ANKRD12: variants seen among roughly 807,000 people sequenced by gnomAD.
The protein encoded by ANKRD12 is ankyrin repeat domain 12.
ANKRD12 carries 85 observed loss-of-function variants against 183.4 expected under a neutral mutation model. That is an observed-to-expected ratio of 0.46 (90% CI 0.39 to 0.56). The LOEUF is 0.56. ANKRD12 is among the 20% of genes least tolerant of loss of function. ANKRD12 has a pLI of 0.00. For synonymous variants in ANKRD12, 914 were observed against 800.2 expected (o/e 1.14, Z -2.40); for missense variants, 2,405 against 2,357.1 (o/e 1.02, Z -0.42).
rs1005127228 is a variant in ANKRD12 at position 9,284,479 on chromosome 18, G to A, written c.*3353G>A. 3 of 152,064 alleles carry A rather than the reference G, an allele frequency of 2.0e-5. No homozygotes were observed. Among genetic ancestry groups the A allele is most frequent in the African/African-American group, 7.2e-5 (3 of 41,404 alleles). 9.4% of individuals were successfully genotyped at this position (152,064 alleles called of 1,614,324 possible). The stretch of plus-strand genomic sequence containing the variant: ...TGACTCTGTAAAACGCAATGAAATA[G>A]TCCTCTTTTTAAACAGTTTAAAGGA... On this transcript the variant is annotated 3_prime_UTR_variant, in exon 13 of 13. Transcript: ENST00000262126.
Position 9,257,033 on chromosome 18 carries a change from CCTG to C in ANKRD12, c.3769_3771del (p.Ala1257del), listed in dbSNP as rs1226033992. On this transcript the variant is annotated inframe_deletion, in exon 9 of 13. Transcript: ENST00000262126. Reference sequence around the variant, plus strand: ...ACCTTTTTTGTCAATTGCCAAATCTCCTGCTCTTCATGAAAGGGAATTGGACAG... The same window carrying C: ...ACCTTTTTTGTCAATTGCCAAATCTCCTCTTCATGAAAGGGAATTGGACAG... 6.2e-7 allele frequency: 1 copy of C among 1,613,988 alleles called. No homozygotes were observed. The highest frequency in any genetic ancestry group is 8.5e-7 in the Non-Finnish European group (1 of 1,179,992).
rs1449817684 is a variant in ANKRD12 at position 9,284,562 on chromosome 18, GATA to G, written c.*3442_*3444del. The G allele has an allele frequency of 2.6e-5, 4 of 152,196 alleles. No individual in the cohort carries two copies. Among genetic ancestry groups the G allele is most frequent in the East Asian group, 1.9e-4 (1 of 5,188 alleles). 9.4% of individuals were successfully genotyped at this position (152,196 alleles called of 1,614,324 possible). On this transcript the variant is annotated 3_prime_UTR_variant, in exon 13 of 13. Transcript: ENST00000262126. ...AATATTTAGGGCAAAATTTTTGTTAGATAATAATGGAAAAGCTTGTGTGAGTTT... is the reference window on the plus strand; with the variant it reads ...AATATTTAGGGCAAAATTTTTGTTAGATAATGGAAAAGCTTGTGTGAGTTT...
At chr18:9,222,077 T>C (rs1333609431) in intron 8 of ANKRD12, 78 bp downstream of exon 8, 3 of 1,523,008 alleles carry the variant, frequency 2.0e-6, no homozygotes, top group Non-Finnish European at 2.7e-6. Context: ...ATTTGTAATA[T>C]ACAAAATGTT....
chr18:9,204,457 G>A lies in ANKRD12; in HGVS notation c.236-19G>A. ...TCCGTGTGCTTTTTTCTCTTCTCCTGTCTCTTCTCATTCTGTAGATTCAGA... is the reference window on the plus strand; with the variant it reads ...TCCGTGTGCTTTTTTCTCTTCTCCTATCTCTTCTCATTCTGTAGATTCAGA... On this transcript the variant is annotated intron_variant, in intron 3 of 12. Coordinates refer to ENST00000262126, the MANE Select transcript of ANKRD12 (RefSeq NM_015208.5). The A allele has an allele frequency of 6.4e-7, 1 of 1,573,818 alleles. No individual in the cohort carries two copies. The highest frequency in any genetic ancestry group is 8.7e-7 in the Non-Finnish European group (1 of 1,150,090).
chr18:9,184,187 T>C (rs1171489622), intron 2 of ANKRD12, among the ~76,000 whole-genome samples: 2 of 152,230 alleles, frequency 1.3e-5, no homozygotes, highest in Non-Finnish European at 2.9e-5. Flanking sequence ...AAATGTTATC[T>C]TTTAAAGAAA....
At chr18:9,142,487 T>A (rs1325764157) in intron 1 of ANKRD12, among the ~76,000 whole-genome samples, 3 of 152,074 alleles carry the variant, frequency 2.0e-5, no homozygotes, top group Non-Finnish European at 4.4e-5. Context: ...TTCTATTTTC[T>A]CCCACCAAAT....
At chr18:9,262,046 C>T (rs1014787676) in intron 9 of ANKRD12, among the ~76,000 whole-genome samples, 1 of 152,290 alleles carries the variant, frequency 6.6e-6, no homozygotes, top group South Asian at 2.1e-4. Context: ...TGGTCAGTTC[C>T]AGTAAGTTGT....
At chr18:9,143,024 C>T (rs2078371850) in intron 1 of ANKRD12, among the ~76,000 whole-genome samples, 1 of 152,170 alleles carries the variant, frequency 6.6e-6, no homozygotes, top group Non-Finnish European at 1.5e-5. Flanking sequence ...TTCCAGTGTT[C>T]TATAGTAGTC....
chr18:9,250,602 C>G (rs1164271484), intron 8 of ANKRD12, among the ~76,000 whole-genome samples: 1 of 152,032 alleles, frequency 6.6e-6, no homozygotes, highest in Non-Finnish European at 1.5e-5. Flanking sequence ...ACCCGTAGTT[C>G]TAGCTACTGG....
intron 1 of ANKRD12, among the ~76,000 whole-genome samples, chr18:9,173,435 GTTTTTC>G (rs2032940256): frequency 6.6e-6 from 1 of 152,122 alleles, no homozygotes. Flanking sequence ...GTTGTTTTCT[GTTTTTC>G]TTTTAACAGT....
chr18:9,209,266 G>A (rs1393955919), intron 5 of ANKRD12, among the ~76,000 whole-genome samples: 1 of 152,166 alleles, frequency 6.6e-6, no homozygotes, highest in Non-Finnish European at 1.5e-5. Context: ...AGCTAAAAAG[G>A]TAGATAAAAT....
intron 8 of ANKRD12, among the ~76,000 whole-genome samples, chr18:9,222,939 A>G (rs1207616782): frequency 1.3e-5 from 2 of 152,262 alleles, no homozygotes; most frequent in Non-Finnish European, 2.9e-5. Flanking sequence ...AAGTCATGGA[A>G]TAAAAACTTT....
Position 9,221,935 on chromosome 18 carries a change from A to T in ANKRD12, c.879A>T (p.Thr293=), listed in dbSNP as rs1410990259. The change falls in exon 8 of 13, where the codon ACA becomes ACT. Residue 293 remains threonine (T), a synonymous_variant. Transcript: ENST00000262126. ...AGCGTCCAGTGGATGTAGCAGAAAC[A>T]GAGGAGTTGGAGTTGCTACTAAAAA... ...HGERPVDVAE[T]EELELLLKRE... is the part of the protein sequence containing the mutation. 6.2e-7 allele frequency: 1 copy of T among 1,613,940 alleles called. No homozygotes were observed. The highest frequency in any genetic ancestry group is 1.3e-5 in the African/African-American group (1 of 74,908).
chr18:9,146,179 T>C (rs1385093497), intron 1 of ANKRD12, among the ~76,000 whole-genome samples: 1 of 152,250 alleles, frequency 6.6e-6, no homozygotes, highest in Non-Finnish European at 1.5e-5. Context: ...GTAAACCTGC[T>C]TAACATTTGC....
intron 1 of ANKRD12, among the ~76,000 whole-genome samples, chr18:9,154,763 G>A (rs2030148321): frequency 6.6e-6 from 1 of 152,120 alleles, no homozygotes; most frequent in Non-Finnish European, 1.5e-5. Context: ...TTTTAGAGAT[G>A]GAATCAGCAT....
chr18:9,233,382 G>C (rs1489972316), intron 8 of ANKRD12, among the ~76,000 whole-genome samples: 1 of 151,814 alleles, frequency 6.6e-6, no homozygotes, highest in Non-Finnish European at 1.5e-5. Context: ...AGATTCCTTA[G>C]TATCATAGTT....
intron 1 of ANKRD12, among the ~76,000 whole-genome samples, chr18:9,148,849 A>G (rs965829882): frequency 1.3e-5 from 2 of 152,302 alleles, no homozygotes; most frequent in South Asian, 4.1e-4. Flanking sequence ...TTTTGTTACC[A>G]TAAAGAACAG....
intron 12 of ANKRD12, among the ~76,000 whole-genome samples, 174 bp from the exon 13 acceptor site, chr18:9,280,767 A>T (rs2040077183): frequency 6.6e-6 from 1 of 152,000 alleles, no homozygotes; most frequent in South Asian, 2.1e-4. Context: ...CCAGCCTGGG[A>T]GACAGAGCAA....
chr18:9,244,346 A>G (rs1424534654), intron 8 of ANKRD12, among the ~76,000 whole-genome samples: 10 of 152,184 alleles, frequency 6.6e-5, no homozygotes, highest in African/African-American at 2.4e-4. Context: ...ACTAAACAAC[A>G]TGGAGACTTA....
Sources: gnomAD v4.1 joint callset for allele counts (sites outside exome capture counted in the v4.1 genomes callset) on GRCh38, gnomAD v4.1.1 for gene constraint, MANE v1.5 for transcripts, NCBI Gene and HGNC (gene_info 2026-07-23, HGNC 2026-07-21) for gene names.